Variants in RNF38 observed in about 807,000 individuals in gnomAD.
RNF38 encodes the protein E3 ubiquitin-protein ligase RNF38.
A neutral mutation model predicts 67.2 loss-of-function variants in RNF38; 15 were observed. The observed-to-expected ratio is 0.22, with a 90% CI of 0.15 to 0.34. The LOEUF (loss-of-function observed/expected upper bound fraction) is 0.34, where lower values mean the gene tolerates loss of function less well. Among genes scored for constraint, RNF38 ranks in the 10% least tolerant of loss-of-function variants. The pLI is 1.00. For synonymous variants in RNF38, 220 were observed against 218.8 expected (o/e 1.01, Z -0.05); for missense variants, 524 against 639.9 (o/e 0.82, Z 1.95).
At chr9:36,391,058 G>A (rs1837044558) in intron 1 of RNF38, among the ~76,000 whole-genome samples, 1 of 152,154 alleles carries the variant, frequency 6.6e-6, no homozygotes. Flanking sequence ...TCATGCAAAG[G>A]AAAATGACAG....
intron 7 of RNF38, 102 bp downstream of exon 7, chr9:36,353,068 G>T: frequency 9.3e-7 from 1 of 1,079,836 alleles, no homozygotes; most frequent in Non-Finnish European, 1.4e-6. Context: ...ATGCTGTCGA[G>T]AATACATATA....
chr9:36,406,745 G>T (rs1342760286), intron 2 of RNF38, among the ~76,000 whole-genome samples: 1 of 152,246 alleles, frequency 6.6e-6, no homozygotes, highest in Non-Finnish European at 1.5e-5. Flanking sequence ...AAAGCGGGCA[G>T]TGAAAAGAGA....
chr9:36,397,081 G>GTT (rs147500340), intron 1 of RNF38, among the ~76,000 whole-genome samples: 1 of 141,648 alleles, frequency 7.1e-6, no homozygotes, highest in Non-Finnish European at 1.5e-5. Context: ...ATGTGTGTGT[G>GTT]TATATATATA....
chr9:36,345,962 C>CG (rs1833198785), intron 9 of RNF38, among the ~76,000 whole-genome samples: 1 of 152,156 alleles, frequency 6.6e-6, no homozygotes, highest in African/African-American at 2.4e-5. Flanking sequence ...TAAGACCCAT[C>CG]GTGTCCACTG....
intron 3 of RNF38, among the ~76,000 whole-genome samples, chr9:36,371,310 C>A (rs1835360201): frequency 6.6e-6 from 1 of 152,178 alleles, no homozygotes; most frequent in Non-Finnish European, 1.5e-5. Flanking sequence ...TTGATATTGT[C>A]CCTCCAGCTT....
chr9:36,376,033 G>C lies in RNF38; in HGVS notation c.257C>G (p.Pro86Arg). 6.2e-7 allele frequency: 1 copy of C among 1,613,200 alleles called. No homozygotes were observed. Among genetic ancestry groups the C allele is most frequent in the Middle Eastern group, 1.6e-4 (1 of 6,062 alleles). ...ASPAPSPPMR[P>R]WEMTSNRQPP... ...CTGCCTATTTGATGTCATCTCCCAT[G>C]GTCGCATTGGTGGTGAGGGAGCTGG... is the stretch of plus-strand genomic sequence containing the variant. Residue 86 changes from proline (P) to arginine (R), a missense_variant, in exon 3 of 12, where the codon CCA (proline) becomes CGA (arginine). Coordinates refer to ENST00000259605, the MANE Select transcript of RNF38 (RefSeq NM_022781.5).
intron 2 of RNF38, among the ~76,000 whole-genome samples, chr9:36,421,784 G>A (rs1479529971): frequency 6.6e-6 from 1 of 152,238 alleles, no homozygotes; most frequent in Non-Finnish European, 1.5e-5. Context: ...GAGTGAGTGT[G>A]CAGAGGGCAA....
At chr9:36,481,278 G>T (rs551168393) in intron 1 of RNF38, among the ~76,000 whole-genome samples, 130 of 152,284 alleles carry the variant, frequency 8.5e-4, no homozygotes, top group Non-Finnish European at 1.6e-3. Flanking sequence ...ACCTCCCAAA[G>T]TGCTGGGATT....
chr9:36,439,830 T>G (rs1039830718), intron 1 of RNF38, among the ~76,000 whole-genome samples: 1 of 150,928 alleles, frequency 6.6e-6, no homozygotes, highest in Non-Finnish European at 1.5e-5. Context: ...TAGAAAATGC[T>G]AACAGTACCA....
chr9:36,457,838 G>A (rs1251778441), intron 1 of RNF38, among the ~76,000 whole-genome samples: 3 of 151,140 alleles, frequency 2.0e-5, no homozygotes, highest in East Asian at 3.9e-4. Context: ...GGGAGACTCC[G>A]TCTCCAAAAA....
chr9:36,394,438 T>C (rs570005880), intron 1 of RNF38, among the ~76,000 whole-genome samples: 2 of 152,380 alleles, frequency 1.3e-5, no homozygotes, highest in Non-Finnish European at 2.9e-5. Context: ...ACAATGTGTA[T>C]GTATATAACT....
chr9:36,448,155 C>T (rs1319451636), intron 1 of RNF38, among the ~76,000 whole-genome samples: 1 of 152,238 alleles, frequency 6.6e-6, no homozygotes, highest in Admixed American at 6.5e-5. Flanking sequence ...AACTGGTCTT[C>T]TTAAGGCCTG....
At chr9:36,484,912 A>G (rs1840368183) in intron 1 of RNF38, among the ~76,000 whole-genome samples, 1 of 152,098 alleles carries the variant, frequency 6.6e-6, no homozygotes, top group Non-Finnish European at 1.5e-5. Flanking sequence ...CACGCCTGTA[A>G]TCCCAGCACT....
exon 2 of RNF38, chr9:36,424,636 T>C (rs1408847350): frequency 2.0e-6 from 2 of 985,752 alleles, no homozygotes; most frequent in Non-Finnish European, 2.4e-6. Context: ...TCATGACAAA[T>C]GTGGTCGTGA....
intron 1 of RNF38, among the ~76,000 whole-genome samples, chr9:36,478,938 A>T (rs1238729018): frequency 6.6e-6 from 1 of 152,094 alleles, no homozygotes; most frequent in Non-Finnish European, 1.5e-5. Context: ...AAGTAGACCC[A>T]GATTTCTATA....
At chr9:36,401,494 G>A (rs1234646845), upstream of RNF38, among the ~76,000 whole-genome samples, 1 of 152,138 alleles carries the variant, frequency 6.6e-6, no homozygotes, top group East Asian at 1.9e-4. Context: ...TTTTATTGCA[G>A]TACACAAAGG....
intron 10 of RNF38, among the ~76,000 whole-genome samples, chr9:36,343,463 C>A (rs915873429): frequency 6.6e-6 from 1 of 151,972 alleles, no homozygotes; most frequent in African/African-American, 2.4e-5. Context: ...ATAGACATTT[C>A]TGGAAAGAAG....
rs143942241 is a variant in RNF38 at position 36,375,462 on chromosome 9, G to A, written c.356+472C>T. On this transcript the variant is annotated intron_variant, in intron 3 of 11. Coordinates refer to ENST00000259605, the MANE Select transcript of RNF38 (RefSeq NM_022781.5). ...CCACTTTGGCTTCCCAAAATGTTGC[G>A]ATTATAGGCATGAGCTACTACTGTG... 6.0e-3 allele frequency among the ~76,000 whole-genome samples: 911 copies of A among 152,230 alleles called. 7 individuals are homozygous for A. Among genetic ancestry groups the A allele is most frequent in the Middle Eastern group, 0.017 (5 of 294 alleles).
chr9:36,472,204 T>A (rs1205524951), intron 1 of RNF38, among the ~76,000 whole-genome samples: 4 of 152,124 alleles, frequency 2.6e-5, no homozygotes, highest in African/African-American at 9.7e-5. Flanking sequence ...AAACCTAAGG[T>A]TATTTTAAAA....
Sources: allele counts gnomAD v4.1 joint callset (sites outside exome capture counted in the v4.1 genomes callset), GRCh38; gene constraint gnomAD v4.1.1; transcripts MANE v1.5; gene names NCBI Gene and HGNC (gene_info 2026-07-23, HGNC 2026-07-21).